ZNG1B: variants seen among roughly 807,000 people sequenced by gnomAD.
ZNG1B encodes Zn regulated GTPase metalloprotein activator 1B.
the ZNG1B span, among the ~76,000 whole-genome samples, chr2:113,453,681 TA>T: frequency 6.6e-6 from 1 of 151,096 alleles, no homozygotes; most frequent in Admixed American, 6.6e-5. Context: ...TCATATAGAT[TA>T]AAAAACCCCA....
the ZNG1B span, among the ~76,000 whole-genome samples, chr2:113,448,810 G>A: frequency 0.27 from 40,773 of 149,734 alleles, 6,186 homozygotes; most frequent in East Asian, 0.52. Context: ...AGGCTGAGGC[G>A]GGAGAATGGC....
chr2:113,453,241 T>G, the ZNG1B span: 1,298 of 700,198 alleles, frequency 1.9e-3, 2 homozygotes, highest in African/African-American at 0.026. Context: ...TTGTTTTTTG[T>G]TTTTTTTTTT....
chr2:113,490,657 T>C, the ZNG1B span, among the ~76,000 whole-genome samples: 1 of 152,118 alleles, frequency 6.6e-6, no homozygotes, highest in East Asian at 1.9e-4. Context: ...ATATTACAAC[T>C]GACACCACAG....
the ZNG1B span, among the ~76,000 whole-genome samples, chr2:113,483,242 G>T: frequency 6.6e-6 from 1 of 150,794 alleles, no homozygotes; most frequent in African/African-American, 2.4e-5. Context: ...CAAACGCAGC[G>T]CTCACTTTCC....
At chr2:113,476,185 G>A in the ZNG1B span, among the ~76,000 whole-genome samples, 1 of 152,074 alleles carries the variant, frequency 6.6e-6, no homozygotes, top group Non-Finnish European at 1.5e-5. Context: ...GGCTTTGTTT[G>A]TTTCTTTTTA....
At chr2:113,449,111 C>G in the ZNG1B span, among the ~76,000 whole-genome samples, 1 of 151,448 alleles carries the variant, frequency 6.6e-6, no homozygotes, top group Non-Finnish European at 1.5e-5. Flanking sequence ...TCTTCTCTAG[C>G]TTCCTCACCT....
At chr2:113,444,923 T>C in the ZNG1B span, 1 of 1,606,388 alleles carries the variant, frequency 6.2e-7, no homozygotes. Context: ...CTTCAAAATA[T>C]TTAGGTAATT....
the ZNG1B span, among the ~76,000 whole-genome samples, chr2:113,446,743 T>TACACAC: frequency 7.1e-6 from 1 of 141,758 alleles, no homozygotes; most frequent in African/African-American, 2.6e-5. Flanking sequence ...CAAGACTGTA[T>TACACAC]ACACACACAC....
At chr2:113,481,131 A>G in the ZNG1B span, among the ~76,000 whole-genome samples, 64 of 137,576 alleles carry the variant, frequency 4.7e-4, no homozygotes, top group South Asian at 6.9e-4. Flanking sequence ...CTAGGCAGTC[A>G]TTGTCCAACA....
chr2:113,476,101 A>G, the ZNG1B span, among the ~76,000 whole-genome samples: 1 of 151,838 alleles, frequency 6.6e-6, no homozygotes, highest in Non-Finnish European at 1.5e-5. Context: ...ACTTGGTTCC[A>G]TTCTCCCCGT....
At chr2:113,442,268 A>G in the ZNG1B span, among the ~76,000 whole-genome samples, 13 of 136,822 alleles carry the variant, frequency 9.5e-5, no homozygotes, top group Admixed American at 8.3e-4. Flanking sequence ...CAACTGAAAT[A>G]TTAAACTGTA....
At chr2:113,447,882 C>G in the ZNG1B span, 2 of 454,096 alleles carry the variant, frequency 4.4e-6, no homozygotes, top group Admixed American at 2.4e-5. Flanking sequence ...ACTGTTTCCA[C>G]CACATCTGCA....
chr2:113,446,654 G>A, the ZNG1B span, among the ~76,000 whole-genome samples: 1 of 148,812 alleles, frequency 6.7e-6, no homozygotes, highest in African/African-American at 2.5e-5. Flanking sequence ...GCTAAGGCAT[G>A]AGAATCACTT....
the ZNG1B span, among the ~76,000 whole-genome samples, chr2:113,464,839 G>T: frequency 6.6e-6 from 1 of 151,826 alleles, no homozygotes; most frequent in African/African-American, 2.4e-5. Context: ...TTTCTAAAGT[G>T]AAGCGTCTTT....
chr2:113,465,299 G>C, the ZNG1B span: 5 of 407,646 alleles, frequency 1.2e-5, no homozygotes, highest in East Asian at 1.4e-4. Context: ...AAAAGAATTG[G>C]ATCCAAAATG....
chr2:113,440,946 CT>C, the ZNG1B span, among the ~76,000 whole-genome samples: 5 of 143,858 alleles, frequency 3.5e-5, no homozygotes, highest in Admixed American at 7.1e-5. Context: ...ATTGTTGACA[CT>C]ACCTGGCTCT....
chr2:113,495,921 C>G, the ZNG1B span: 5 of 717,056 alleles, frequency 7.0e-6, no homozygotes, highest in Non-Finnish European at 1.0e-5. Flanking sequence ...AACATTCATA[C>G]AGTTATATAT....
At chr2:113,444,660 GT>G in the ZNG1B span, among the ~76,000 whole-genome samples, 5 of 151,600 alleles carry the variant, frequency 3.3e-5, no homozygotes, top group African/African-American at 1.2e-4. Flanking sequence ...TTGTATGTTG[GT>G]TTTTAAAAAT....
At chr2:113,476,981 G>T in the ZNG1B span, among the ~76,000 whole-genome samples, 1 of 152,208 alleles carries the variant, frequency 6.6e-6, no homozygotes, top group South Asian at 2.1e-4. Flanking sequence ...GTGTGTCTGT[G>T]CCCTGCCCCC....
Sources: allele counts gnomAD v4.1 joint callset (sites outside exome capture counted in the v4.1 genomes callset), GRCh38; gene constraint gnomAD v4.1.1; transcripts MANE v1.5; gene names NCBI Gene and HGNC (gene_info 2026-07-23, HGNC 2026-07-21).